Variants in NPAT observed in about 807,000 individuals in gnomAD.
NPAT encodes the protein protein NPAT.
A neutral mutation model predicts 130.7 loss-of-function variants in NPAT; 52 were observed. The observed-to-expected ratio is 0.40, with a 90% CI of 0.32 to 0.50. NPAT has a LOEUF of 0.50. Among genes scored for constraint, NPAT ranks in the 20% least tolerant of loss-of-function variants. The pLI, the probability that NPAT is intolerant of heterozygous loss-of-function variation, is 0.68. For synonymous variants in NPAT, 580 were observed against 584.8 expected (o/e 0.99, Z 0.12); for missense variants, 1,687 against 1,662.6 (o/e 1.01, Z -0.26).
intron 15 of NPAT, among the ~76,000 whole-genome samples, chr11:108,165,466 A>T (rs1338152971): frequency 2.9e-5 from 3 of 103,088 alleles, no homozygotes; most frequent in African/African-American, 1.3e-4. Context: ...ATATATATAT[A>T]TATATATTTT....
At chr11:108,198,591 T>A (rs1391872662) in intron 1 of NPAT, among the ~76,000 whole-genome samples, 1 of 152,164 alleles carries the variant, frequency 6.6e-6, no homozygotes, top group Non-Finnish European at 1.5e-5. Flanking sequence ...GCCAGTTCTG[T>A]GTAGAGCCCA....
intron 2 of NPAT, among the ~76,000 whole-genome samples, chr11:108,195,281 A>G (rs1388739991): frequency 6.6e-6 from 1 of 152,250 alleles, no homozygotes; most frequent in Non-Finnish European, 1.5e-5. Context: ...TGTTTTCAAA[A>G]GCCACTGTAT....
intron 17 of NPAT, among the ~76,000 whole-genome samples, chr11:108,160,572 T>TC (rs1479134165): frequency 6.6e-6 from 1 of 151,998 alleles, no homozygotes; most frequent in African/African-American, 2.4e-5. Flanking sequence ...CTTTTTCTTT[T>TC]CCCCCGGAAA....
At chr11:108,197,929 C>T (rs1382383924) in intron 1 of NPAT, among the ~76,000 whole-genome samples, 2 of 152,072 alleles carry the variant, frequency 1.3e-5, no homozygotes, top group African/African-American at 4.8e-5. Context: ...TAATTTATGC[C>T]CTTTGGGAAT....
intron 1 of NPAT, among the ~76,000 whole-genome samples, chr11:108,219,313 G>A (rs923870900): frequency 7.9e-5 from 12 of 152,102 alleles, no homozygotes; most frequent in African/African-American, 2.9e-4. Context: ...CCAGCCTCTT[G>A]ATTGCTTCCT....
At chr11:108,187,208 T>C (rs893613464) in intron 7 of NPAT, among the ~76,000 whole-genome samples, 7 of 152,172 alleles carry the variant, frequency 4.6e-5, no homozygotes, top group Non-Finnish European at 7.4e-5. Flanking sequence ...CCCAGCAATT[T>C]TGGAGGCCAA....
intron 1 of NPAT, among the ~76,000 whole-genome samples, chr11:108,199,082 C>A (rs1438669419): frequency 6.6e-6 from 1 of 152,196 alleles, no homozygotes; most frequent in Non-Finnish European, 1.5e-5. Context: ...CACAAACGAG[C>A]TGAAACATGC....
At position 108,159,010 on chromosome 11, in the gene NPAT, GCTT is replaced by G; in HGVS notation, c.4213_4215del (p.Lys1405del). The G allele has an allele frequency of 6.2e-7, 1 of 1,604,832 alleles. No homozygotes were observed. The highest frequency in any genetic ancestry group is 1.1e-5 in the South Asian group (1 of 90,914). On this transcript the variant is annotated inframe_deletion, in exon 18 of 18. Transcript: ENST00000278612. ...ATTCCTGCTGGAAATGAACTGGGAA[GCTT>G]CTTTTTCTGTTGAAAAAGAGAAAGA... is the stretch of plus-strand genomic sequence containing the variant.
At chr11:108,165,876 G>A (rs916001726) in intron 15 of NPAT, among the ~76,000 whole-genome samples, 14 of 151,350 alleles carry the variant, frequency 9.3e-5, no homozygotes, top group Admixed American at 6.6e-4. Flanking sequence ...CTTGTGATCC[G>A]CCTGCCTCGG....
chr11:108,182,435 C>T (rs1044295752), intron 10 of NPAT, among the ~76,000 whole-genome samples: 7 of 152,182 alleles, frequency 4.6e-5, no homozygotes, highest in South Asian at 2.1e-4. Flanking sequence ...TGCTACTTCT[C>T]GAGCCTTTTG....
intron 10 of NPAT, among the ~76,000 whole-genome samples, chr11:108,181,347 C>G (rs2078056442): frequency 6.6e-6 from 1 of 152,132 alleles, no homozygotes; most frequent in Non-Finnish European, 1.5e-5. Flanking sequence ...TGCCTGTTGT[C>G]CCAGCCACTT....
intron 12 of NPAT, 102 bp downstream of exon 12, chr11:108,176,144 A>G (rs2078003517): frequency 1.1e-6 from 1 of 889,972 alleles, no homozygotes; most frequent in East Asian, 2.5e-5. Flanking sequence ...GACCTATAAC[A>G]ATCTGAACAA....
rs1328671172 is a variant in NPAT at position 108,176,260 on chromosome 11, T to G, written c.1118A>C (p.Glu373Ala). 6.3e-7 allele frequency: 1 copy of G among 1,581,362 alleles called. No individual in the cohort carries two copies. Among genetic ancestry groups the G allele is most frequent in the South Asian group, 1.1e-5 (1 of 90,344 alleles). The change falls in exon 12 of 18, where the codon GAA becomes GCA. Residue 373 changes from glutamate (E) to alanine (A), a missense_variant. By Grantham distance (107) the Glu-to-Ala change is moderately radical. This residue lies in a region of NPAT where 1,379 missense variants were observed against 1,346.6 expected (regional missense o/e 1.02). Transcript: ENST00000278612. Reference protein sequence around the residue: ...ETNLAVKGSFETEESDGQSGQ... With the variant: ...ETNLAVKGSFATEESDGQSGQ... ...TAAATTCTTACCAGATTCTTCTGTT[T>G]CAAAAGAACCTTTAACTGCTAGATT...
intron 1 of NPAT, among the ~76,000 whole-genome samples, chr11:108,216,754 T>G (rs1304420271): frequency 2.0e-5 from 3 of 152,196 alleles, no homozygotes; most frequent in African/African-American, 4.8e-5. Flanking sequence ...ACCTCTATAA[T>G]AAGTGTTTAA....
At chr11:108,179,627 T>A (rs1159276110) in intron 10 of NPAT, among the ~76,000 whole-genome samples, 1 of 152,178 alleles carries the variant, frequency 6.6e-6, no homozygotes, top group East Asian at 1.9e-4. Flanking sequence ...AAGGGTGGCT[T>A]ATCCTCGTTT....
Position 108,190,433 on chromosome 11 carries a change from G to C in NPAT, c.331+27C>G, listed in dbSNP as rs767397894. ...GATAGTTTAAGTTTGAAGTAATTGT[G>C]AACATTGTTTAAAGTTGGATACCAA... On this transcript the variant is annotated intron_variant, in intron 5 of 17. Coordinates refer to ENST00000278612, the MANE Select transcript of NPAT (RefSeq NM_002519.3). 6.4e-5 allele frequency: 101 copies of C among 1,585,316 alleles called. 1 individual carries two copies. The Admixed American group carries it at 1.7e-3, about 26-fold the overall frequency.
In NPAT at chr11:108,161,689, T is replaced by A. The variant is rs747211550; in HGVS notation, c.3397A>T (p.Ser1133Cys). 6.2e-6 allele frequency: 10 copies of A among 1,613,968 alleles called. No individual in the cohort carries two copies. The highest frequency in any genetic ancestry group is 8.5e-6 in the Non-Finnish European group (10 of 1,180,032). Reference protein sequence around the residue: ...PLPKILSKSESAISRHTTIRE... With the variant: ...PLPKILSKSECAISRHTTIRE... ...ATGGTGGTATGCCGGCTAATGGCAC[T>A]TTCCGATTTAGATAAAATCTTAGGC... Residue 1133 changes from serine (S) to cysteine (C), a missense_variant, in exon 17 of 18, where the codon AGT (serine) becomes TGT (cysteine). Transcript: ENST00000278612.
chr11:108,214,209 C>A (rs1015989209), intron 1 of NPAT, among the ~76,000 whole-genome samples: 7 of 152,016 alleles, frequency 4.6e-5, no homozygotes. Context: ...TTTTTCATAA[C>A]AGTGTCCATT....
intron 1 of NPAT, among the ~76,000 whole-genome samples, chr11:108,203,207 T>C (rs949036701): frequency 2.0e-5 from 3 of 152,192 alleles, no homozygotes; most frequent in Non-Finnish European, 4.4e-5. Context: ...TTCTCACCAA[T>C]GATTTCTTGC....
Sources: allele counts gnomAD v4.1 joint callset (sites outside exome capture counted in the v4.1 genomes callset), GRCh38; gene constraint gnomAD v4.1.1; regional missense constraint gnomAD v4.1.1; transcripts MANE v1.5; gene names NCBI Gene and HGNC (gene_info 2026-07-23, HGNC 2026-07-21).